The following SLCO3A1 variants were observed in gnomAD, a reference collection of about 807,000 sequenced individuals.
SLCO3A1 encodes the protein PGE1 transporter.
In SLCO3A1, 27 loss-of-function variants were observed where a neutral mutation model predicts 63.1. The observed-to-expected ratio is 0.43, with a 90% CI of 0.32 to 0.59. The LOEUF (loss-of-function observed/expected upper bound fraction) is 0.59, where lower values mean the gene tolerates loss of function less well. SLCO3A1 is among the 20% of genes least tolerant of loss of function. SLCO3A1 has a pLI of 0.09. For missense variants in SLCO3A1, 773 were observed against 945.8 expected (o/e 0.82, Z 2.40); for synonymous variants, 473 against 409.9 (o/e 1.15, Z -1.86).
chr15:92,152,905 C>T (rs1027952173), intron 9 of SLCO3A1, among the ~76,000 whole-genome samples: 1 of 152,146 alleles, frequency 6.6e-6, no homozygotes, highest in Non-Finnish European at 1.5e-5. Flanking sequence ...GATCTCTGCA[C>T]CTCTAGACAG....
At position 92,162,838 on chromosome 15, in the gene SLCO3A1, C is replaced by T. The variant is rs749099685; in HGVS notation, c.1836C>T (p.Gly612=). 39 of 1,614,064 alleles carry T rather than the reference C, an allele frequency of 2.4e-5. 1 individual carries two copies. The highest frequency in any genetic ancestry group is 1.8e-4 in the South Asian group (16 of 91,082). ...LFWSTFCGEQ[G]ACVLYDNVVY... ...GGAGCACGTTCTGTGGGGAGCAAGGCGCCTGCGTCCTCTACGACAATGTGG... is the reference window on the plus strand; with the variant it reads ...GGAGCACGTTCTGTGGGGAGCAAGGTGCCTGCGTCCTCTACGACAATGTGG... Residue 612 remains glycine (G), a synonymous_variant, in exon 10 of 10, where the codon GGC becomes GGT. Coordinates refer to ENST00000318445, the MANE Select transcript of SLCO3A1 (RefSeq NM_013272.4).
At chr15:91,980,765 GACTTCTGTGCAAGCTGAACTTCTGTTTCT>G (rs1215249035) in intron 2 of SLCO3A1, among the ~76,000 whole-genome samples, 1 of 152,046 alleles carries the variant, frequency 6.6e-6, no homozygotes, top group East Asian at 1.9e-4. Context: ...GGAACAACTG[GACTTCTGTGCAAGCTGAACTTCTGTTTCT>G]ACTTCTGTGC....
rs930289238 is a variant in SLCO3A1 at position 91,856,637 on chromosome 15, T to C, written c.180+2549T>C. 1.4e-4 allele frequency among the ~76,000 whole-genome samples: 21 copies of C among 152,226 alleles called. No individual in the cohort carries two copies. The highest frequency in any genetic ancestry group is 4.6e-4 in the African/African-American group (19 of 41,458). Reference sequence around the variant, plus strand: ...CTTTCTTAGGAAACCTGAGACCTTGTGTCTGTAGGGGACCACAGGGCAGGG... The same window carrying C: ...CTTTCTTAGGAAACCTGAGACCTTGCGTCTGTAGGGGACCACAGGGCAGGG... On this transcript the variant is annotated intron_variant, in intron 1 of 9. Coordinates refer to ENST00000318445, the MANE Select transcript of SLCO3A1 (RefSeq NM_013272.4). This position sits in a 1 kb window ranked among gnomAD's most constrained non-coding sequence, Gnocchi z 4.9.
At chr15:91,927,783 G>C (rs571357540) in intron 2 of SLCO3A1, among the ~76,000 whole-genome samples, 1 of 152,328 alleles carries the variant, frequency 6.6e-6, no homozygotes, top group African/African-American at 2.4e-5. Context: ...AGTTTACAAA[G>C]GGAATTTGGA....
At chr15:92,162,615 C>G in intron 9 of SLCO3A1, 141 bp from the exon 10 acceptor site, 4 of 1,357,888 alleles carry the variant, frequency 2.9e-6, no homozygotes, top group Non-Finnish European at 4.0e-6. Context: ...AACTCATGCG[C>G]TTTGCCTCCT....
At chr15:92,048,311 GCTGCCGTCC>G (rs999503790) in intron 2 of SLCO3A1, among the ~76,000 whole-genome samples, 48 of 152,206 alleles carry the variant, frequency 3.2e-4, no homozygotes, top group Admixed American at 2.7e-3. Flanking sequence ...CTGAAATTGT[GCTGCCGTCC>G]CTCTCTCTCC....
intron 2 of SLCO3A1, among the ~76,000 whole-genome samples, chr15:91,999,601 G>A (rs8037790): frequency 0.16 from 24,897 of 152,146 alleles, 2,254 homozygotes; most frequent in Non-Finnish European, 0.2. Context: ...ACACCAAGGG[G>A]TGGCAAAAAT....
At chr15:91,960,436 G>A (rs1900401917) in intron 2 of SLCO3A1, among the ~76,000 whole-genome samples, 1 of 152,128 alleles carries the variant, frequency 6.6e-6, no homozygotes, top group Non-Finnish European at 1.5e-5. Context: ...GAATAATTCT[G>A]CTCTGAAGGT....
intron 2 of SLCO3A1, among the ~76,000 whole-genome samples, chr15:92,042,984 C>G (rs896015392): frequency 1.3e-5 from 2 of 152,134 alleles, no homozygotes; most frequent in African/African-American, 4.8e-5. Flanking sequence ...ATTCTAGAAT[C>G]AAGATGACAA....
At chr15:92,010,035 C>T (rs1350680625) in intron 2 of SLCO3A1, among the ~76,000 whole-genome samples, 1 of 152,220 alleles carries the variant, frequency 6.6e-6, no homozygotes, top group Non-Finnish European at 1.5e-5. Flanking sequence ...GCACTCTTGA[C>T]AGCCCAGAGT....
chr15:91,999,865 A>T (rs1161007967), intron 2 of SLCO3A1, among the ~76,000 whole-genome samples: 4 of 152,268 alleles, frequency 2.6e-5, no homozygotes, highest in Non-Finnish European at 5.9e-5. Flanking sequence ...ATCTACAAAT[A>T]CAAATATACT....
At chr15:91,918,474 T>A (rs1187616961) in intron 2 of SLCO3A1, among the ~76,000 whole-genome samples, 6 of 152,182 alleles carry the variant, frequency 3.9e-5, no homozygotes, top group Admixed American at 6.5e-5. Context: ...TAGTTCTGGG[T>A]TTCTCTGCAC....
intron 2 of SLCO3A1, among the ~76,000 whole-genome samples, chr15:92,004,832 T>A (rs1461044338): frequency 6.6e-6 from 1 of 152,236 alleles, no homozygotes; most frequent in East Asian, 1.9e-4. Context: ...TCATCCTGGA[T>A]GCATCTATGG....
At chr15:91,965,721 G>GGT (rs35543509) in intron 2 of SLCO3A1, among the ~76,000 whole-genome samples, 8,699 of 147,536 alleles carry the variant, frequency 0.059, 435 homozygotes, top group African/African-American at 0.14. Context: ...CAGCCAGCAG[G>GGT]GTGTGTGTGT....
At chr15:91,887,284 C>G (rs1443954884) in intron 1 of SLCO3A1, among the ~76,000 whole-genome samples, 1 of 152,106 alleles carries the variant, frequency 6.6e-6, no homozygotes, top group African/African-American at 2.4e-5. Context: ...CCATTTTCCC[C>G]AGAGGGCAGA....
chr15:92,084,448 C>T (rs191049147), intron 2 of SLCO3A1, among the ~76,000 whole-genome samples: 6 of 152,110 alleles, frequency 3.9e-5, no homozygotes, highest in Admixed American at 1.3e-4. Context: ...AAACTGAGGC[C>T]GAGGGAGCAT....
At chr15:92,002,899 C>A (rs1009969618) in intron 2 of SLCO3A1, among the ~76,000 whole-genome samples, 4 of 152,162 alleles carry the variant, frequency 2.6e-5, no homozygotes, top group African/African-American at 9.7e-5. Flanking sequence ...TACCCCAGTT[C>A]TACTTAATAG....
intron 9 of SLCO3A1, chr15:92,157,212 G>GCTTCATCC (rs1163882496): frequency 2.0e-5 from 3 of 152,170 alleles, no homozygotes; most frequent in African/African-American, 7.2e-5. Flanking sequence ...ATTAACACCT[G>GCTTCATCC]CTTCATCCAC....
chr15:91,987,168 C>G (rs1161916593), intron 2 of SLCO3A1, among the ~76,000 whole-genome samples: 1 of 152,076 alleles, frequency 6.6e-6, no homozygotes. Flanking sequence ...AGAGTGGCAG[C>G]AATAATCAGA....
Sources: allele counts gnomAD v4.1 joint callset (sites outside exome capture counted in the v4.1 genomes callset), GRCh38; gene constraint gnomAD v4.1.1; non-coding constraint Gnocchi (gnomAD v3.1); transcripts MANE v1.5; gene names NCBI Gene and HGNC (gene_info 2026-07-23, HGNC 2026-07-21).